Variants in GATAD2A observed in about 807,000 individuals in gnomAD.
GATAD2A encodes the protein GATA zinc finger domain containing 2A.
GATAD2A carries 12 observed loss-of-function variants against 68.5 expected under a neutral mutation model. The ratio of observed to expected loss-of-function variants is 0.18; its 90% confidence interval spans 0.11 to 0.28. The LOEUF (loss-of-function observed/expected upper bound fraction) is 0.28, where lower values mean the gene tolerates loss of function less well. Ranked by LOEUF, GATAD2A falls within the 10% of genes least tolerant of loss-of-function variation. GATAD2A has a pLI of 1.00. For synonymous variants in GATAD2A, 410 were observed against 375.3 expected, an observed-to-expected ratio of 1.09 and a Z score of -1.07; for missense variants, 755 against 868.5, an observed-to-expected ratio of 0.87 and a Z score of 1.64.
intron 2 of GATAD2A, among the ~76,000 whole-genome samples, chr19:19,470,875 G>A (rs1366633382): frequency 2.6e-5 from 4 of 152,166 alleles, no homozygotes; most frequent in African/African-American, 9.7e-5. Flanking sequence ...TAAACTTACC[G>A]TATGACTTAG....
intron 2 of GATAD2A, among the ~76,000 whole-genome samples, chr19:19,479,967 A>G (rs1041968898): frequency 6.7e-6 from 1 of 149,862 alleles, no homozygotes; most frequent in Admixed American, 6.8e-5. Context: ...CCTTGTGAGT[A>G]GCTGGGATTA....
chr19:19,471,418 G>C (rs2058301698), intron 2 of GATAD2A, among the ~76,000 whole-genome samples: 1 of 152,072 alleles, frequency 6.6e-6, no homozygotes, highest in African/African-American at 2.4e-5. Flanking sequence ...GCAGATGCAG[G>C]GACTACTTGT....
At chr19:19,451,397 G>C (rs2056378106) in intron 1 of GATAD2A, among the ~76,000 whole-genome samples, 1 of 152,140 alleles carries the variant, frequency 6.6e-6, no homozygotes, top group African/African-American at 2.4e-5. Context: ...GGGTGTCCCA[G>C]GCACTGATCA....
At chr19:19,459,368 C>CT (rs112022185) in intron 1 of GATAD2A, among the ~76,000 whole-genome samples, 209 of 143,908 alleles carry the variant, frequency 1.5e-3, no homozygotes, top group Middle Eastern at 3.8e-3. Context: ...CTATATACAC[C>CT]TTTTTTTTTT....
intron 8 of GATAD2A, among the ~76,000 whole-genome samples, chr19:19,500,734 G>T (rs1182268962): frequency 6.6e-6 from 1 of 152,170 alleles, no homozygotes; most frequent in Non-Finnish European, 1.5e-5. Flanking sequence ...TCCTCATCAG[G>T]ACATGGCGCA....
intron 1 of GATAD2A, among the ~76,000 whole-genome samples, chr19:19,458,269 G>C (rs1171103178): frequency 6.6e-6 from 1 of 152,192 alleles, no homozygotes; most frequent in African/African-American, 2.4e-5. Flanking sequence ...GGCGCATGCT[G>C]TTCCCCTGCC....
In GATAD2A at chr19:19,508,020, C is replaced by G. The variant is rs1308283252; in HGVS notation, c.*2546C>G. 1 of 152,120 alleles carries G rather than the reference C, an allele frequency of 6.6e-6. No individual in the cohort carries two copies. Among genetic ancestry groups the G allele is most frequent in the East Asian group, 1.9e-4 (1 of 5,174 alleles). 9.4% of individuals were successfully genotyped at this position (152,120 alleles called of 1,614,324 possible). A position where few individuals can be genotyped will look rare whatever the true frequency, so the allele number is the denominator to read the frequency against. On this transcript the variant is annotated 3_prime_UTR_variant, in exon 12 of 12. Transcript: ENST00000683918. ...GTGTTCTACCCACAGCAAAGCACAC[C>G]CTCTTAAACCAGGCACTGCCTGGGT...
In GATAD2A at chr19:19,498,864, G is replaced by A. The variant is rs928392932; in HGVS notation, c.1204+142G>A. 36 of 674,884 alleles carry A rather than the reference G, an allele frequency of 5.3e-5. 1 individual carries two copies. Among genetic ancestry groups the A allele is most frequent in the South Asian group, 3.5e-4 (19 of 54,818 alleles). 41.8% of individuals were successfully genotyped at this position (674,884 alleles called of 1,614,324 possible). On this transcript the variant is annotated intron_variant, in intron 8 of 11. Coordinates refer to ENST00000683918, the MANE Select transcript of GATAD2A (RefSeq NM_001384528.1). ...CCTGGGTGGGCTTGGCAGGGACACCGTCAGTGCCACTGTGGAGTCTGGACA... is the reference window on the plus strand; with the variant it reads ...CCTGGGTGGGCTTGGCAGGGACACCATCAGTGCCACTGTGGAGTCTGGACA...
At chr19:19,429,433 G>C (rs975511950) in intron 1 of GATAD2A, among the ~76,000 whole-genome samples, 2 of 152,138 alleles carry the variant, frequency 1.3e-5, no homozygotes, top group African/African-American at 2.4e-5. Flanking sequence ...CATGGAACGT[G>C]TATGCTCCTT....
intron 1 of GATAD2A, among the ~76,000 whole-genome samples, chr19:19,460,702 G>C (rs1042331144): frequency 3.3e-5 from 5 of 152,172 alleles, no homozygotes; most frequent in African/African-American, 1.2e-4. Flanking sequence ...GCAAAAACAA[G>C]TGAAAGAAAG....
chr19:19,439,732 A>T (rs986298935), intron 1 of GATAD2A, among the ~76,000 whole-genome samples: 2 of 152,072 alleles, frequency 1.3e-5, no homozygotes, highest in Non-Finnish European at 2.9e-5. Flanking sequence ...TTGTAATCAC[A>T]GTTACCCGGG....
intron 1 of GATAD2A, among the ~76,000 whole-genome samples, chr19:19,437,881 A>G (rs1463928983): frequency 6.6e-6 from 1 of 152,224 alleles, no homozygotes; most frequent in Non-Finnish European, 1.5e-5. Context: ...GCTGCTTTTA[A>G]CATTCGTGTA....
intron 1 of GATAD2A, among the ~76,000 whole-genome samples, chr19:19,441,066 C>T (rs757497062): frequency 2.7e-4 from 41 of 150,754 alleles, no homozygotes; most frequent in Non-Finnish European, 1.3e-4. Flanking sequence ...CGTTCCTTCC[C>T]TCCCCTCACT....
chr19:19,494,515 A>T, intron 5 of GATAD2A, 132 bp downstream of exon 5: 1 of 598,408 alleles, frequency 1.7e-6, no homozygotes, highest in Non-Finnish European at 3.0e-6. Flanking sequence ...AGTAGGCTGG[A>T]GTGAGGCCCT....
chr19:19,428,439 C>T (rs1252663718), intron 1 of GATAD2A, among the ~76,000 whole-genome samples: 1 of 152,184 alleles, frequency 6.6e-6, no homozygotes. Context: ...GAGAAGCTGC[C>T]TGGTGCCAGG....
chr19:19,474,840 T>G (rs887797996), intron 2 of GATAD2A, among the ~76,000 whole-genome samples: 3 of 152,194 alleles, frequency 2.0e-5, no homozygotes, highest in African/African-American at 7.2e-5. Context: ...CTTCACTTGT[T>G]GTTCTCAGTC....
intron 1 of GATAD2A, among the ~76,000 whole-genome samples, chr19:19,462,387 C>CG (rs750711331): frequency 2.8e-4 from 43 of 152,284 alleles, no homozygotes; most frequent in Non-Finnish European, 4.1e-4. Flanking sequence ...CCCCTGCACT[C>CG]GGGGGCTGGC....
chr19:19,492,099 C>G (rs1315850007), intron 2 of GATAD2A, among the ~76,000 whole-genome samples: 1 of 152,218 alleles, frequency 6.6e-6, no homozygotes, highest in Non-Finnish European at 1.5e-5. Context: ...GGGTGCCCAC[C>G]TGGGCACTGG....
intron 11 of GATAD2A, among the ~76,000 whole-genome samples, chr19:19,503,437 G>A (rs574168527): frequency 1.3e-5 from 2 of 152,314 alleles, no homozygotes; most frequent in East Asian, 1.9e-4. Context: ...GCAGACGTTC[G>A]GCTGCAGAGG....
Sources: gnomAD v4.1 joint callset for allele counts (sites outside exome capture counted in the v4.1 genomes callset) on GRCh38, gnomAD v4.1.1 for gene constraint, MANE v1.5 for transcripts, NCBI Gene and HGNC (gene_info 2026-07-23, HGNC 2026-07-21) for gene names.